RBFOX1: variants seen among roughly 807,000 people sequenced by gnomAD.
RBFOX1 encodes RNA binding protein fox-1 homolog 1.
In RBFOX1, 8 loss-of-function variants were observed where a neutral mutation model predicts 57.7. The ratio of observed to expected loss-of-function variants is 0.14; its 90% CI spans 0.08 to 0.25. RBFOX1 has a LOEUF of 0.25. Among genes scored for constraint, RBFOX1 ranks in the 10% least tolerant of loss-of-function variants. The probability of loss-of-function intolerance (pLI) is 1.00; values close to 1 mark genes in which losing one functional copy is unlikely to be tolerated. For missense variants in RBFOX1, 611 were observed against 548.5 expected (o/e 1.11, Z -1.14); for synonymous variants, 326 against 222.4 (o/e 1.47, Z -4.15).
At chr16:7,611,533 T>A (rs1009396071) in intron 10 of RBFOX1, among the ~76,000 whole-genome samples, 1 of 150,808 alleles carries the variant, frequency 6.6e-6, no homozygotes, top group African/African-American at 2.4e-5. Context: ...GAGCCAAGAT[T>A]GCACCATTGC....
At chr16:6,792,164 A>T (rs933302942) in intron 3 of RBFOX1, among the ~76,000 whole-genome samples, 3 of 152,216 alleles carry the variant, frequency 2.0e-5, no homozygotes, top group Admixed American at 2.0e-4. Flanking sequence ...CTTTTTCTGT[A>T]TATTTTTTCT....
intron 2 of RBFOX1, among the ~76,000 whole-genome samples, chr16:6,616,145 A>C (rs997245573): frequency 1.3e-5 from 2 of 152,320 alleles, no homozygotes; most frequent in East Asian, 3.9e-4. Flanking sequence ...GCCTTTTTGC[A>C]GGAGCAAATT....
At chr16:7,404,196 G>T (rs1041478125) in intron 4 of RBFOX1, among the ~76,000 whole-genome samples, 4 of 151,854 alleles carry the variant, frequency 2.6e-5, no homozygotes, top group African/African-American at 7.3e-5. Context: ...GTGATTACAC[G>T]TGTGAGACCC....
chr16:5,938,357 T>G (rs138135808), intron 4 of RBFOX1, among the ~76,000 whole-genome samples: 1 of 152,168 alleles, frequency 6.6e-6, no homozygotes, highest in Non-Finnish European at 1.5e-5. Context: ...GAATTTCAAT[T>G]TTGGCCCTAT....
chr16:7,199,294 T>G (rs1334812577), intron 4 of RBFOX1, among the ~76,000 whole-genome samples: 1 of 151,956 alleles, frequency 6.6e-6, no homozygotes, highest in East Asian at 1.9e-4. Flanking sequence ...CCTTTTATGT[T>G]TAATAATTCA....
intron 1 of RBFOX1, among the ~76,000 whole-genome samples, chr16:5,316,374 T>G (rs1293349776): frequency 6.6e-6 from 1 of 152,220 alleles, no homozygotes; most frequent in Non-Finnish European, 1.5e-5. Flanking sequence ...CCTGTGTGTC[T>G]AGTGCCCAGC....
At position 7,107,388 on chromosome 16, in the gene RBFOX1, G is replaced by A. The variant is rs115748748; in HGVS notation, c.27+55290G>A. ...CTCAAACTGGAAGGGGGCCACTCTAGGGTGGAGGCTGGACCTCACCTTAGG... is the reference window on the plus strand; with the variant it reads ...CTCAAACTGGAAGGGGGCCACTCTAAGGTGGAGGCTGGACCTCACCTTAGG... On this transcript the variant is annotated intron_variant, in intron 4 of 15. Coordinates refer to ENST00000550418, the MANE Select transcript of RBFOX1 (RefSeq NM_018723.4). 7.6e-4 allele frequency among the ~76,000 whole-genome samples: 116 copies of A among 152,248 alleles called. 1 individual carries two copies. Among genetic ancestry groups the A allele is most frequent in the African/African-American group, 2.7e-3 (113 of 41,556 alleles).
chr16:5,530,705 C>G (rs891979737), intron 2 of RBFOX1, among the ~76,000 whole-genome samples: 4 of 151,986 alleles, frequency 2.6e-5, no homozygotes, highest in African/African-American at 4.8e-5. Flanking sequence ...GTGAGACTAC[C>G]AAAAACATCT....
chr16:6,835,037 C>T (rs753773615), intron 3 of RBFOX1, among the ~76,000 whole-genome samples: 7 of 151,852 alleles, frequency 4.6e-5, no homozygotes, highest in Non-Finnish European at 1.0e-4. Flanking sequence ...GGACTGTAGG[C>T]GCCCAACACC....
chr16:7,234,753 C>T lies in RBFOX1; in HGVS notation c.27+182655C>T, dbSNP rs548329122. On this transcript the variant is annotated intron_variant, in intron 4 of 15. Transcript: ENST00000550418. Reference sequence around the variant, plus strand: ...ATCCTTGTAAATACCCTGTGCTGAACGGAGAAGTCAGAAATGGGTAATAGA... The same window carrying T: ...ATCCTTGTAAATACCCTGTGCTGAATGGAGAAGTCAGAAATGGGTAATAGA... Among the ~76,000 whole-genome samples, 18 of 151,284 alleles carry T rather than the reference C, an allele frequency of 1.2e-4. No individual in the cohort carries two copies. In the South Asian group the frequency reaches 2.3e-3, roughly 19 times the overall value.
chr16:6,225,272 T>C (rs1450897577), intron 1 of RBFOX1, among the ~76,000 whole-genome samples: 3 of 152,070 alleles, frequency 2.0e-5, no homozygotes, highest in Non-Finnish European at 4.4e-5. Context: ...TCTGAAAGCT[T>C]GGTATCAAAA....
chr16:5,586,686 A>AG (rs1220347025), intron 2 of RBFOX1, among the ~76,000 whole-genome samples: 1 of 152,116 alleles, frequency 6.6e-6, no homozygotes, highest in Admixed American at 6.5e-5. Context: ...GCCTGTAGAG[A>AG]GGGGAACTTG....
At chr16:6,587,981 G>A (rs547909304) in intron 2 of RBFOX1, among the ~76,000 whole-genome samples, 35 of 152,292 alleles carry the variant, frequency 2.3e-4, no homozygotes, top group African/African-American at 5.1e-4. Flanking sequence ...TGTAATCCCA[G>A]CACTTTGGGA....
chr16:7,579,232 C>T (rs2093567773), intron 5 of RBFOX1, among the ~76,000 whole-genome samples: 1 of 152,220 alleles, frequency 6.6e-6, no homozygotes, highest in Non-Finnish European at 1.5e-5. Flanking sequence ...GTTATTTGAA[C>T]TCCAGAATGC....
intron 4 of RBFOX1, among the ~76,000 whole-genome samples, chr16:7,121,646 C>T (rs1418740218): frequency 1.3e-5 from 2 of 151,800 alleles, no homozygotes; most frequent in Non-Finnish European, 2.9e-5. Context: ...ATAAGTTTAA[C>T]ACAATACAAA....
intron 4 of RBFOX1, among the ~76,000 whole-genome samples, chr16:7,450,844 T>G (rs2098846493): frequency 6.6e-6 from 1 of 152,022 alleles, no homozygotes; most frequent in Non-Finnish European, 1.5e-5. Context: ...GTGGATGGCA[T>G]GCGACGGGCC....
intron 3 of RBFOX1, among the ~76,000 whole-genome samples, chr16:7,000,040 C>T (rs550162125): frequency 1.1e-4 from 16 of 149,682 alleles, no homozygotes; most frequent in African/African-American, 3.7e-4. Flanking sequence ...CCACTGCACT[C>T]CAGCCTGGGC....
chr16:6,900,727 C>G (rs1044632678), intron 3 of RBFOX1, among the ~76,000 whole-genome samples: 3 of 152,160 alleles, frequency 2.0e-5, no homozygotes, highest in South Asian at 2.1e-4. Flanking sequence ...GATGCCGTTC[C>G]TATCTTTCGT....
At position 6,899,368 on chromosome 16, in the gene RBFOX1, C is replaced by A. The variant is rs776841339; in HGVS notation, c.-15-152689C>A. ...ATTTAGCATCAGGCATTTTCTTCTTCCCTAGGCATTAAGGCCCTCTTGGCT... is the reference window on the plus strand; with the variant it reads ...ATTTAGCATCAGGCATTTTCTTCTTACCTAGGCATTAAGGCCCTCTTGGCT... On this transcript the variant is annotated intron_variant, in intron 3 of 15. Transcript: ENST00000550418. 2.4e-4 allele frequency among the ~76,000 whole-genome samples: 36 copies of A among 152,294 alleles called. 1 individual carries two copies. Among genetic ancestry groups the A allele is most frequent in the Non-Finnish European group, 4.7e-4 (32 of 68,034 alleles).
Sources: allele counts gnomAD v4.1 joint callset (sites outside exome capture counted in the v4.1 genomes callset), GRCh38; gene constraint gnomAD v4.1.1; transcripts MANE v1.5; gene names NCBI Gene and HGNC (gene_info 2026-07-23, HGNC 2026-07-21).